Variants in WFDC1 observed in about 807,000 individuals in gnomAD.
The protein encoded by WFDC1 is WAP four-disulfide core domain protein 1.
A neutral mutation model predicts 32.9 loss-of-function variants in WFDC1; 39 were observed. The observed-to-expected ratio is 1.19, with a 90% confidence interval of 0.92 to 1.55. The LOEUF is 1.55. WFDC1 is among the 40% of genes most tolerant of loss of function. The probability of loss-of-function intolerance (pLI) is 0.00; values close to 1 mark genes in which losing one functional copy is unlikely to be tolerated. For synonymous variants in WFDC1, 184 were observed against 137.4 expected (o/e 1.34, Z -2.37); for missense variants, 386 against 309.5 (o/e 1.25, Z -1.85).
intron 5 of WFDC1, chr16:84,326,430 C>T (rs192340440): frequency 2.6e-4 from 44 of 168,966 alleles, no homozygotes; most frequent in Admixed American, 2.1e-3. Context: ...TGAATATAGC[C>T]CAAGTGGTTA....
chr16:84,322,929 C>A (rs80044886), intron 4 of WFDC1, among the ~76,000 whole-genome samples: 3,035 of 152,136 alleles, frequency 0.02, 95 homozygotes, highest in African/African-American at 0.068. Flanking sequence ...GAGTGGGAGG[C>A]AATTTGAGAA....
chr16:84,301,084 C>T (rs1248580626), intron 1 of WFDC1, among the ~76,000 whole-genome samples: 1 of 152,088 alleles, frequency 6.6e-6, no homozygotes, highest in African/African-American at 2.4e-5. Context: ...ACAAGAGACA[C>T]ATGAGGGACC....
chr16:84,326,747 C>G, intron 5 of WFDC1, 135 bp from the exon 6 acceptor site: 1 of 953,880 alleles, frequency 1.0e-6, no homozygotes, highest in Non-Finnish European at 1.7e-6. Flanking sequence ...CAGGTGGGGA[C>G]TGAGTGACCT....
At chr16:84,309,779 A>G (rs1287584937) in intron 1 of WFDC1, among the ~76,000 whole-genome samples, 1 of 151,688 alleles carries the variant, frequency 6.6e-6, no homozygotes, top group Non-Finnish European at 1.5e-5. Context: ...TGGTCTGTAG[A>G]CGCCATCTCT....
At chr16:84,301,314 A>C (rs1906919885) in intron 1 of WFDC1, among the ~76,000 whole-genome samples, 2 of 152,210 alleles carry the variant, frequency 1.3e-5, no homozygotes, top group Non-Finnish European at 2.9e-5. Flanking sequence ...TGCTCTGGGC[A>C]TCAAGGGAGT....
At chr16:84,311,381 C>G (rs1207958390) in intron 1 of WFDC1, among the ~76,000 whole-genome samples, 1 of 75,262 alleles carries the variant, frequency 1.3e-5, no homozygotes, top group Non-Finnish European at 2.6e-5. Context: ...CCACGCCCGG[C>G]TAATTTTTTT....
intron 1 of WFDC1, among the ~76,000 whole-genome samples, chr16:84,306,546 C>T (rs534584952): frequency 6.6e-6 from 1 of 152,184 alleles, no homozygotes; most frequent in African/African-American, 2.4e-5. Context: ...GACCCACTCC[C>T]CTAATTCACA....
chr16:84,320,016 G>T (rs189835899), intron 4 of WFDC1, among the ~76,000 whole-genome samples: 9 of 152,060 alleles, frequency 5.9e-5, no homozygotes, highest in African/African-American at 1.9e-4. Context: ...GATGGACCCC[G>T]ACTTACGATG....
At chr16:84,324,996 C>G (rs1447590024) in intron 5 of WFDC1, among the ~76,000 whole-genome samples, 2 of 152,088 alleles carry the variant, frequency 1.3e-5, no homozygotes, top group African/African-American at 2.4e-5. Context: ...TCTATTCATT[C>G]TTCCATCCAT....
intron 6 of WFDC1, chr16:84,327,176 A>G: frequency 1.9e-6 from 1 of 531,096 alleles, no homozygotes; most frequent in Non-Finnish European, 3.4e-6. Flanking sequence ...ACTGTATGCC[A>G]TAGAAGCTTA....
At chr16:84,327,184 T>G (rs1908654445) in intron 6 of WFDC1, 2 of 508,548 alleles carry the variant, frequency 3.9e-6, no homozygotes, top group Non-Finnish European at 7.1e-6. Flanking sequence ...CCATAGAAGC[T>G]TAACTCATTT....
Position 84,295,032 on chromosome 16 carries a change from C to G in WFDC1, c.61C>G (p.Leu21Val), listed in dbSNP as rs766948731. Residue 21 changes from leucine to valine, a missense_variant, in exon 1 of 7, where the codon CTC becomes GTC. By Grantham distance (32) the Leu-to-Val change is conservative (BLOSUM62 1). Transcript: ENST00000219454. The stretch of plus-strand genomic sequence containing the variant: ...GAGGCAGATCATCCGGGCTCTGTGC[C>G]TCTTGCTACTTCTCCTCCACGCCGG... Reference protein sequence around the residue: ...CRRQIIRALCLLLLLLHAGSA... With the variant: ...CRRQIIRALCVLLLLLHAGSA... 6.2e-7 allele frequency: 1 copy of G among 1,614,246 alleles called. No homozygotes were observed. Among genetic ancestry groups the G allele is most frequent in the Non-Finnish European group, 8.5e-7 (1 of 1,180,044 alleles).
intron 4 of WFDC1, 82 bp from the exon 5 acceptor site, chr16:84,324,337 G>C: frequency 7.7e-7 from 1 of 1,296,700 alleles, no homozygotes. Flanking sequence ...AAAAACACAA[G>C]TAATTCCTCA....
chr16:84,324,161 C>T (rs1016319483), intron 4 of WFDC1, among the ~76,000 whole-genome samples: 5 of 151,764 alleles, frequency 3.3e-5, no homozygotes, highest in African/African-American at 4.8e-5. Flanking sequence ...ACTTTTTGCT[C>T]TCAAGACCGC....
chr16:84,314,894 T>C (rs1907859216), intron 2 of WFDC1, among the ~76,000 whole-genome samples: 1 of 152,248 alleles, frequency 6.6e-6, no homozygotes, highest in Non-Finnish European at 1.5e-5. Context: ...AGTGCACAGA[T>C]GATACAACTG....
At chr16:84,313,828 G>A (rs935579909) in intron 2 of WFDC1, among the ~76,000 whole-genome samples, 5 of 152,234 alleles carry the variant, frequency 3.3e-5, no homozygotes, top group African/African-American at 9.6e-5. Context: ...GATCACCTGA[G>A]GTCAGGAGTT....
intron 1 of WFDC1, among the ~76,000 whole-genome samples, chr16:84,296,346 A>G (rs1402465357): frequency 6.6e-6 from 1 of 152,120 alleles, no homozygotes; most frequent in Non-Finnish European, 1.5e-5. Flanking sequence ...TGTTTCACTA[A>G]TGTGTGCCCC....
intron 4 of WFDC1, among the ~76,000 whole-genome samples, chr16:84,323,465 CG>C (rs1406648548): frequency 6.6e-6 from 1 of 152,184 alleles, no homozygotes; most frequent in Non-Finnish European, 1.5e-5. Flanking sequence ...GTGGGTAGCA[CG>C]GCTAGTCATG....
At chr16:84,311,389 T>TTTTTTG (rs1299694598) in intron 1 of WFDC1, among the ~76,000 whole-genome samples, 2 of 120,334 alleles carry the variant, frequency 1.7e-5, no homozygotes, top group Non-Finnish European at 3.6e-5. Flanking sequence ...GGCTAATTTT[T>TTTTTTG]TTTCTTTTTT....
Sources: allele counts gnomAD v4.1 joint callset (sites outside exome capture counted in the v4.1 genomes callset), GRCh38; gene constraint gnomAD v4.1.1; transcripts MANE v1.5; gene names NCBI Gene and HGNC (gene_info 2026-07-23, HGNC 2026-07-21).